DIAPH1: variants seen among roughly 807,000 people sequenced by gnomAD.
The protein encoded by DIAPH1 is protein diaphanous homolog 1.
Under a neutral mutation model 140.7 loss-of-function variants are expected in DIAPH1, and 46 were observed. That is an observed-to-expected ratio of 0.33 (90% CI 0.26 to 0.42). The LOEUF (loss-of-function observed/expected upper bound fraction) is 0.42, where lower values mean the gene tolerates loss of function less well. Ranked by LOEUF, DIAPH1 falls within the 10% of genes least tolerant of loss-of-function variation. The pLI is 1.00. For synonymous variants in DIAPH1, 565 were observed against 551.6 expected (o/e 1.02, Z -0.34); for missense variants, 1,310 against 1,558.7 (o/e 0.84, Z 2.69).
chr5:141,598,534 T>C (rs953965201), intron 1 of DIAPH1, among the ~76,000 whole-genome samples: 1 of 152,174 alleles, frequency 6.6e-6, no homozygotes, highest in African/African-American at 2.4e-5. Flanking sequence ...AGACCATCCA[T>C]CAACATAAAA....
chr5:141,578,671 G>A (rs1238113058), intron 9 of DIAPH1, 46 bp from the exon 10 acceptor site: 15 of 1,417,474 alleles, frequency 1.1e-5, no homozygotes, highest in East Asian at 2.3e-5. Flanking sequence ...AACTCCTGGA[G>A]ATCAAGAATC....
At chr5:141,593,091 G>C (rs1464505357) in intron 1 of DIAPH1, among the ~76,000 whole-genome samples, 1 of 152,186 alleles carries the variant, frequency 6.6e-6, no homozygotes, top group African/African-American at 2.4e-5. Context: ...AGAAAGCTGA[G>C]TCCTAAACCG....
At chr5:141,548,289 A>G (rs534434729) in intron 18 of DIAPH1, among the ~76,000 whole-genome samples, 5 of 152,126 alleles carry the variant, frequency 3.3e-5, no homozygotes, top group Admixed American at 1.3e-4. Context: ...TTAAAAAAAA[A>G]AAAAAGAAAA....
At chr5:141,548,557 C>T (rs1264287851) in intron 18 of DIAPH1, among the ~76,000 whole-genome samples, 1 of 152,094 alleles carries the variant, frequency 6.6e-6, no homozygotes, top group East Asian at 1.9e-4. Flanking sequence ...CTGCATGACA[C>T]CAGTAACTCA....
At chr5:141,534,458 C>G (rs765969051) in intron 18 of DIAPH1, 25 bp from the exon 19 acceptor site, 2 of 1,603,270 alleles carry the variant, frequency 1.2e-6, no homozygotes, top group Non-Finnish European at 1.7e-6. Flanking sequence ...ATTAGAAAAG[C>G]ATGATTAAAA....
intron 18 of DIAPH1, among the ~76,000 whole-genome samples, chr5:141,548,313 A>T (rs1482533942): frequency 1.3e-5 from 2 of 152,150 alleles, no homozygotes; most frequent in South Asian, 4.1e-4. Context: ...ATCTTCCAAA[A>T]TATGGATGAA....
chr5:141,549,588 T>C (rs908845994), intron 18 of DIAPH1, among the ~76,000 whole-genome samples: 1 of 152,160 alleles, frequency 6.6e-6, no homozygotes, highest in Non-Finnish European at 1.5e-5. Flanking sequence ...ATATCTTTTT[T>C]CATATGTATA....
chr5:141,539,639 T>C (rs2099889655), intron 18 of DIAPH1, among the ~76,000 whole-genome samples: 1 of 152,154 alleles, frequency 6.6e-6, no homozygotes, highest in East Asian at 1.9e-4. Context: ...AGATTGTTTA[T>C]TTTTTCTTGC....
At chr5:141,579,021 T>C in intron 9 of DIAPH1, 67 bp downstream of exon 9, 1 of 1,188,514 alleles carries the variant, frequency 8.4e-7, no homozygotes, top group East Asian at 2.3e-5. Flanking sequence ...TATTAAAAGG[T>C]CAAATGAATT....
rs1409319056 is a variant in DIAPH1 at position 141,565,773 on chromosome 5, C to T, written c.2482+5655G>A. The stretch of plus-strand genomic sequence containing the variant: ...GTGCCTGGCAGTATCAAGGGCCAAG[C>T]AACTTCACAAATTAAGCAGAGGAGA... On this transcript the variant is annotated intron_variant, in intron 18 of 27. Coordinates refer to ENST00000389054, the MANE Select transcript of DIAPH1 (RefSeq NM_005219.5). This position sits in a 1 kb window ranked among gnomAD's most constrained non-coding sequence, Gnocchi z 4.3. Among the ~76,000 whole-genome samples the T allele has an allele frequency of 6.6e-6, 1 of 152,140 alleles. No individual in the cohort carries two copies. The highest frequency in any genetic ancestry group is 2.4e-5 in the African/African-American group (1 of 41,426).
intron 1 of DIAPH1, among the ~76,000 whole-genome samples, chr5:141,614,619 T>G (rs2099902363): frequency 6.6e-6 from 1 of 152,164 alleles, no homozygotes. Context: ...CACTTTCACC[T>G]CCTGTGAGGG....
At chr5:141,545,843 T>C (rs529998011) in intron 18 of DIAPH1, among the ~76,000 whole-genome samples, 1 of 152,292 alleles carries the variant, frequency 6.6e-6, no homozygotes, top group Non-Finnish European at 1.5e-5. Context: ...AATGGCTGTG[T>C]TCCAATAAAA....
intron 1 of DIAPH1, among the ~76,000 whole-genome samples, chr5:141,591,695 G>GATAT (rs56117502): frequency 0.053 from 4,517 of 85,934 alleles, 383 homozygotes; most frequent in Middle Eastern, 0.087. Flanking sequence ...GGGAGATGGG[G>GATAT]ATATATATAT....
intron 1 of DIAPH1, among the ~76,000 whole-genome samples, chr5:141,596,363 CAT>C (rs1372043076): frequency 6.6e-6 from 1 of 151,840 alleles, no homozygotes; most frequent in African/African-American, 2.4e-5. Context: ...ATTAGCCAGG[CAT>C]TGTAGCGCTT....
At chr5:141,617,578 T>C (rs758347496) in intron 1 of DIAPH1, among the ~76,000 whole-genome samples, 2 of 152,066 alleles carry the variant, frequency 1.3e-5, no homozygotes, top group Non-Finnish European at 2.9e-5. Flanking sequence ...GGACTAAGAG[T>C]TACAAGCCAT....
At chr5:141,558,267 A>G (rs1018814627) in intron 18 of DIAPH1, 5 of 152,148 alleles carry the variant, frequency 3.3e-5, no homozygotes, top group African/African-American at 1.2e-4. Context: ...TATGATCAGT[A>G]ATAGTTTCTA....
intron 1 of DIAPH1, among the ~76,000 whole-genome samples, chr5:141,611,304 A>G (rs1044466979): frequency 2.1e-4 from 32 of 152,200 alleles, no homozygotes; most frequent in Non-Finnish European, 4.4e-4. Flanking sequence ...TAATTTTAGC[A>G]AAGATTTTTG....
At chr5:141,605,030 A>C (rs371860399) in intron 1 of DIAPH1, among the ~76,000 whole-genome samples, 5 of 152,330 alleles carry the variant, frequency 3.3e-5, no homozygotes, top group African/African-American at 9.6e-5. Context: ...ATTTCATGCC[A>C]AAGTACTTAG....
At chr5:141,602,995 A>G (rs2099900399) in intron 1 of DIAPH1, among the ~76,000 whole-genome samples, 1 of 152,222 alleles carries the variant, frequency 6.6e-6, no homozygotes, top group Admixed American at 6.5e-5. Flanking sequence ...AATAAAGGAA[A>G]GAAAAAGGGT....
Sources: allele counts gnomAD v4.1 joint callset (sites outside exome capture counted in the v4.1 genomes callset), GRCh38; gene constraint gnomAD v4.1.1; non-coding constraint Gnocchi (gnomAD v3.1); transcripts MANE v1.5; gene names NCBI Gene and HGNC (gene_info 2026-07-23, HGNC 2026-07-21).